The following TMEM132D variants were observed in gnomAD, a reference collection of about 807,000 sequenced individuals.
TMEM132D encodes mature OL transmembrane protein.
TMEM132D carries 21 observed loss-of-function variants against 62.3 expected under a neutral mutation model. That is an observed-to-expected ratio of 0.34 (90% confidence interval 0.24 to 0.49). The LOEUF (loss-of-function observed/expected upper bound fraction) is 0.49. TMEM132D is among the 20% of genes least tolerant of loss of function. TMEM132D has a pLI of 0.99. For synonymous variants in TMEM132D, 621 were observed against 575.6 expected (o/e 1.08, Z -1.13); for missense variants, 1,346 against 1,402.8 (o/e 0.96, Z 0.65).
At chr12:129,523,457 A>T (rs1033944134) in intron 3 of TMEM132D, among the ~76,000 whole-genome samples, 1 of 152,228 alleles carries the variant, frequency 6.6e-6, no homozygotes, top group East Asian at 1.9e-4. Flanking sequence ...TGCCACACGC[A>T]TGACTCTTGT....
chr12:129,251,470 G>A (rs552279914), intron 4 of TMEM132D, among the ~76,000 whole-genome samples: 26 of 152,034 alleles, frequency 1.7e-4, no homozygotes, highest in Admixed American at 3.3e-4. Flanking sequence ...CTTACCCGAG[G>A]AAGGATGGAT....
intron 3 of TMEM132D, among the ~76,000 whole-genome samples, chr12:129,416,414 A>T (rs774330576): frequency 6.6e-6 from 1 of 152,160 alleles, no homozygotes; most frequent in Non-Finnish European, 1.5e-5. Flanking sequence ...TATCCTGAGA[A>T]TTTGCTGAAG....
intron 2 of TMEM132D, among the ~76,000 whole-genome samples, chr12:129,606,730 T>C (rs917633876): frequency 5.9e-5 from 9 of 152,132 alleles, no homozygotes; most frequent in African/African-American, 2.2e-4. Context: ...TCTGCCCACT[T>C]GGGTAGAAAG....
At chr12:129,391,350 C>T (rs1248271751) in intron 3 of TMEM132D, among the ~76,000 whole-genome samples, 1 of 152,174 alleles carries the variant, frequency 6.6e-6, no homozygotes, top group African/African-American at 2.4e-5. Flanking sequence ...GAAAGAGACA[C>T]ATGGAATAGG....
chr12:129,734,494 G>C (rs1380577720), intron 1 of TMEM132D, among the ~76,000 whole-genome samples: 1 of 152,130 alleles, frequency 6.6e-6, no homozygotes, highest in Non-Finnish European at 1.5e-5. Context: ...AGAGTTCCAT[G>C]TGTATTCCTT....
chr12:129,552,023 C>G (rs1165085592), intron 2 of TMEM132D, among the ~76,000 whole-genome samples: 1 of 152,166 alleles, frequency 6.6e-6, no homozygotes, highest in East Asian at 1.9e-4. Flanking sequence ...AGGGAAGGGT[C>G]TCTCTTGCTC....
intron 4 of TMEM132D, among the ~76,000 whole-genome samples, chr12:129,249,301 G>A (rs1403226618): frequency 6.6e-6 from 1 of 152,224 alleles, no homozygotes; most frequent in Non-Finnish European, 1.5e-5. Context: ...AGTCTCCCTT[G>A]ACTTCATGAG....
At chr12:129,411,822 G>A (rs1356774956) in intron 3 of TMEM132D, among the ~76,000 whole-genome samples, 5 of 152,154 alleles carry the variant, frequency 3.3e-5, no homozygotes, top group African/African-American at 9.6e-5. Context: ...CAAATATTTC[G>A]AGATCACTTC....
Position 129,874,118 on chromosome 12 carries a change from T to C in TMEM132D, c.79+29143A>G, listed in dbSNP as rs116646498. 3.2e-3 allele frequency among the ~76,000 whole-genome samples: 480 copies of C among 152,348 alleles called. 2 individuals are homozygous for C. Among genetic ancestry groups the C allele is most frequent in the African/African-American group, 0.011 (454 of 41,588 alleles). On this transcript the variant is annotated intron_variant, in intron 1 of 8. Transcript: ENST00000422113. ...TTTGACTGTAGGTAATGAGGCCGTA[T>C]TGTGGACTTGAAATTCACTAAGAAA...
At chr12:129,617,771 T>C (rs1593091175) in intron 2 of TMEM132D, among the ~76,000 whole-genome samples, 1 of 152,158 alleles carries the variant, frequency 6.6e-6, no homozygotes, top group African/African-American at 2.4e-5. Context: ...CTGATGCCTC[T>C]TTTCATAAGG....
At chr12:129,228,771 G>A (rs555008133) in intron 4 of TMEM132D, among the ~76,000 whole-genome samples, 2 of 152,158 alleles carry the variant, frequency 1.3e-5, no homozygotes, top group Non-Finnish European at 2.9e-5. Flanking sequence ...AATCAATTCC[G>A]ATGCTGTTAT....
chr12:129,327,502 G>A (rs568030352), intron 4 of TMEM132D, among the ~76,000 whole-genome samples: 3 of 152,266 alleles, frequency 2.0e-5, no homozygotes, highest in Admixed American at 1.3e-4. Context: ...ATGTGGCTGT[G>A]GCCACCATAC....
chr12:129,689,944 A>G (rs1881024710), intron 2 of TMEM132D, among the ~76,000 whole-genome samples: 1 of 152,210 alleles, frequency 6.6e-6, no homozygotes, highest in Non-Finnish European at 1.5e-5. Context: ...CCACTCCCAA[A>G]TGTGGAGAGA....
intron 5 of TMEM132D, among the ~76,000 whole-genome samples, chr12:129,157,505 A>T (rs549536326): frequency 6.6e-6 from 1 of 152,350 alleles, no homozygotes; most frequent in East Asian, 1.9e-4. Flanking sequence ...CTTAGTTACT[A>T]GTTTTTCATT....
intron 1 of TMEM132D, among the ~76,000 whole-genome samples, chr12:129,749,349 C>T (rs1869922556): frequency 6.6e-6 from 1 of 152,150 alleles, no homozygotes; most frequent in Non-Finnish European, 1.5e-5. Context: ...TGCACAGAGG[C>T]AACCTTCAGA....
intron 3 of TMEM132D, among the ~76,000 whole-genome samples, chr12:129,402,358 A>T (rs1871648327): frequency 6.6e-6 from 1 of 152,162 alleles, no homozygotes; most frequent in South Asian, 2.1e-4. Context: ...TTTTCACAGG[A>T]AAGTAGGAAG....
intron 2 of TMEM132D, among the ~76,000 whole-genome samples, chr12:129,647,119 TAC>T (rs1238113781): frequency 1.2e-4 from 3 of 25,032 alleles, no homozygotes; most frequent in Non-Finnish European, 3.6e-4. Flanking sequence ...TATACATACA[TAC>T]ATATATATAT....
At chr12:129,451,197 C>A (rs1187531605) in intron 3 of TMEM132D, among the ~76,000 whole-genome samples, 1 of 152,100 alleles carries the variant, frequency 6.6e-6, no homozygotes, top group African/African-American at 2.4e-5. Flanking sequence ...CAATGTGAAG[C>A]TTGGCTAAGG....
chr12:129,642,722 T>C (rs960269985), intron 2 of TMEM132D, among the ~76,000 whole-genome samples: 2 of 152,306 alleles, frequency 1.3e-5, no homozygotes, highest in African/African-American at 4.8e-5. Context: ...TGAATCCATT[T>C]ACTTTGCAAC....
Sources: allele counts gnomAD v4.1 joint callset (sites outside exome capture counted in the v4.1 genomes callset), GRCh38; gene constraint gnomAD v4.1.1; transcripts MANE v1.5; gene names NCBI Gene and HGNC (gene_info 2026-07-23, HGNC 2026-07-21).